The following MOCOS variants were observed in gnomAD, a reference collection of about 807,000 sequenced individuals.
MOCOS encodes human molybdenum cofactor sulfurase.
Under a neutral mutation model 83.6 loss-of-function variants are expected in MOCOS, and 86 were observed. The ratio of observed to expected loss-of-function variants is 1.03; its 90% CI spans 0.86 to 1.23. MOCOS has a LOEUF of 1.23. Among genes scored for constraint, MOCOS ranks in the 50% most tolerant of loss-of-function variants. MOCOS has a pLI of 0.00. For missense variants in MOCOS, 1,120 were observed against 1,126.9 expected (o/e 0.99, Z 0.09); for synonymous variants, 445 against 434.7 (o/e 1.02, Z -0.29).
At chr18:36,258,536 C>G (rs2091651033) in intron 12 of MOCOS, among the ~76,000 whole-genome samples, 1 of 152,070 alleles carries the variant, frequency 6.6e-6, no homozygotes, top group Non-Finnish European at 1.5e-5. Flanking sequence ...ACTCAGGTAT[C>G]CCGGTCTCTG....
At chr18:36,215,011 TGGCCCGG>T (rs1275988048) in intron 7 of MOCOS, among the ~76,000 whole-genome samples, 1 of 152,210 alleles carries the variant, frequency 6.6e-6, no homozygotes, top group Non-Finnish European at 1.5e-5. Flanking sequence ...GCCTTCACAG[TGGCCCGG>T]GGCTGGTCAT....
intron 9 of MOCOS, among the ~76,000 whole-genome samples, chr18:36,246,399 G>T (rs527938619): frequency 2.0e-5 from 3 of 151,828 alleles, no homozygotes; most frequent in Admixed American, 1.3e-4. Context: ...TTGCCTTTCT[G>T]GTTCTAGCCA....
chr18:36,220,859 G>T (rs982708436), intron 9 of MOCOS, among the ~76,000 whole-genome samples: 2 of 151,914 alleles, frequency 1.3e-5, no homozygotes, highest in African/African-American at 4.8e-5. Flanking sequence ...AGCCCCAGAG[G>T]TGGAGGCTGC....
chr18:36,191,750 GCACA>G (rs5824000), intron 1 of MOCOS, among the ~76,000 whole-genome samples: 30,264 of 147,670 alleles, frequency 0.2, 3,747 homozygotes, highest in East Asian at 0.44. Flanking sequence ...AAATACGTGT[GCACA>G]CACACACACA....
intron 9 of MOCOS, among the ~76,000 whole-genome samples, chr18:36,243,142 A>G (rs1398490942): frequency 1.3e-5 from 2 of 152,142 alleles, no homozygotes; most frequent in Non-Finnish European, 2.9e-5. Context: ...AAACTTTACT[A>G]ACTTCATTTA....
Position 36,270,103 on chromosome 18 carries a change from G to C in MOCOS, c.*1418G>C, listed in dbSNP as rs962253446. On this transcript the variant is annotated 3_prime_UTR_variant, in exon 15 of 15. Coordinates refer to ENST00000261326, the MANE Select transcript of MOCOS (RefSeq NM_017947.4). ...GGGTAAAAAGTACAACTCTGACTCT[G>C]GTTCCTGAGATCACCGAAAGAAGAG... 1 of 152,176 alleles carries C rather than the reference G, an allele frequency of 6.6e-6. No homozygotes were observed. Among genetic ancestry groups the C allele is most frequent in the African/African-American group, 2.4e-5 (1 of 41,438 alleles). The allele number at this position is 152,176 out of a possible 1,614,324, so 9.4% of individuals were successfully genotyped here. A position where few individuals can be genotyped will look rare whatever the true frequency, so the allele number is the denominator to read the frequency against.
chr18:36,206,130 C>T (rs953670201), intron 6 of MOCOS, among the ~76,000 whole-genome samples: 1 of 152,032 alleles, frequency 6.6e-6, no homozygotes, highest in Admixed American at 6.6e-5. Context: ...CCTTAGGTTG[C>T]TTCCACCTGT....
At chr18:36,209,706 G>GGAATTTC (rs1477167952) in intron 6 of MOCOS, among the ~76,000 whole-genome samples, 1 of 152,130 alleles carries the variant, frequency 6.6e-6, no homozygotes, top group Admixed American at 6.5e-5. Flanking sequence ...TCCATGTTGT[G>GGAATTTC]TATATACCAC....
intron 9 of MOCOS, among the ~76,000 whole-genome samples, chr18:36,221,141 A>C (rs9807613): frequency 0.022 from 3,361 of 152,264 alleles, 126 homozygotes; most frequent in African/African-American, 0.076. Flanking sequence ...GAAAATGTTC[A>C]AACTATACCT....
Position 36,271,042 on chromosome 18 carries a change from GT to G in MOCOS, c.*2361del, listed in dbSNP as rs2091697734. ...GCATCTCACTTTGTTGCCCAGGCTA[GT>G]TTTGAATTCCTGGGCTCAAGCCATC... On this transcript the variant is annotated 3_prime_UTR_variant, in exon 15 of 15. Transcript: ENST00000261326. 1 of 151,874 alleles carries G rather than the reference GT, an allele frequency of 6.6e-6. No homozygotes were observed. The highest frequency in any genetic ancestry group is 1.5e-5 in the Non-Finnish European group (1 of 67,992). The allele number at this position is 151,874 out of a possible 1,614,324, so 9.4% of individuals were successfully genotyped here. A position where few individuals can be genotyped will look rare whatever the true frequency, so the allele number is the denominator to read the frequency against.
intron 7 of MOCOS, among the ~76,000 whole-genome samples, chr18:36,214,539 G>A (rs1029532438): frequency 6.6e-6 from 1 of 152,056 alleles, no homozygotes; most frequent in Non-Finnish European, 1.5e-5. Flanking sequence ...CTGGGCTGAG[G>A]TTTTTCACTT....
chr18:36,222,534 C>T (rs2091500151), intron 9 of MOCOS, among the ~76,000 whole-genome samples: 1 of 151,790 alleles, frequency 6.6e-6, no homozygotes, highest in Non-Finnish European at 1.5e-5. Context: ...ACCATTAGTA[C>T]ATCTTCTTTG....
At chr18:36,259,980 G>A in intron 12 of MOCOS, 57 bp from the exon 13 acceptor site, 2 of 1,602,568 alleles carry the variant, frequency 1.2e-6, no homozygotes, top group Non-Finnish European at 1.7e-6. Context: ...AATTATTATA[G>A]TGGTACAATT....
chr18:36,255,868 C>T (rs918189531), intron 11 of MOCOS, among the ~76,000 whole-genome samples: 20 of 147,286 alleles, frequency 1.4e-4, no homozygotes, highest in African/African-American at 3.8e-4. Flanking sequence ...TCAATAGTTT[C>T]GTCCCCCTTT....
At chr18:36,236,856 T>G (rs2091561240) in intron 9 of MOCOS, among the ~76,000 whole-genome samples, 1 of 147,392 alleles carries the variant, frequency 6.8e-6, no homozygotes. Flanking sequence ...ACATCCCTTG[T>G]AAGTTGGATT....
chr18:36,264,016 A>G (rs1335911585), intron 13 of MOCOS, among the ~76,000 whole-genome samples: 4 of 152,066 alleles, frequency 2.6e-5, no homozygotes, highest in African/African-American at 9.7e-5. Context: ...CTCTACTAAA[A>G]ATATGAAAAT....
At chr18:36,257,518 C>T (rs2091647143) in intron 12 of MOCOS, among the ~76,000 whole-genome samples, 2 of 152,102 alleles carry the variant, frequency 1.3e-5, no homozygotes, top group African/African-American at 4.8e-5. Context: ...TGCAGGCACA[C>T]TTTATTTGAA....
At chr18:36,240,238 G>C (rs1326200672) in intron 9 of MOCOS, among the ~76,000 whole-genome samples, 2 of 126,174 alleles carry the variant, frequency 1.6e-5, no homozygotes, top group East Asian at 2.1e-4. Context: ...CAGTTTTTCT[G>C]TTCTGTTTTT....
intron 14 of MOCOS, 93 bp downstream of exon 14, chr18:36,266,946 A>T: frequency 9.4e-7 from 1 of 1,065,728 alleles, no homozygotes; most frequent in East Asian, 2.6e-5. Flanking sequence ...TTATTTTTTT[A>T]AATGGGGGAT....
Sources: allele counts gnomAD v4.1 joint callset (sites outside exome capture counted in the v4.1 genomes callset), GRCh38; gene constraint gnomAD v4.1.1; transcripts MANE v1.5; gene names NCBI Gene and HGNC (gene_info 2026-07-23, HGNC 2026-07-21).